ARHGAP15: variants seen among roughly 807,000 people sequenced by gnomAD.
The protein encoded by ARHGAP15 is Rho GTPase activating protein 15.
Under a neutral mutation model 63.7 loss-of-function variants are expected in ARHGAP15, and 51 were observed. The ratio of observed to expected loss-of-function variants is 0.80; its 90% CI spans 0.64 to 1.01. The LOEUF (loss-of-function observed/expected upper bound fraction) is 1.01. ARHGAP15 is among the 50% of genes least tolerant of loss of function. ARHGAP15 has a pLI of 0.00. For synonymous variants in ARHGAP15, 191 were observed against 193.8 expected (o/e 0.99, Z 0.12); for missense variants, 560 against 564.6 (o/e 0.99, Z 0.08).
intron 8 of ARHGAP15, among the ~76,000 whole-genome samples, chr2:143,480,391 TCTC>T (rs1168434845): frequency 1.3e-5 from 2 of 152,196 alleles, no homozygotes; most frequent in Non-Finnish European, 2.9e-5. Flanking sequence ...AATTTTCACT[TCTC>T]CTTAAATGGG....
At chr2:143,217,865 G>A (rs1692819084) in intron 4 of ARHGAP15, among the ~76,000 whole-genome samples, 1 of 152,184 alleles carries the variant, frequency 6.6e-6, no homozygotes, top group Non-Finnish European at 1.5e-5. Context: ...GAGAATAGAG[G>A]TGACAGCATT....
At chr2:143,348,661 C>A (rs1184907654) in intron 6 of ARHGAP15, among the ~76,000 whole-genome samples, 2 of 152,096 alleles carry the variant, frequency 1.3e-5, no homozygotes, top group Non-Finnish European at 2.9e-5. Flanking sequence ...GTGTGAGCAG[C>A]AAACTAGAGG....
intron 6 of ARHGAP15, among the ~76,000 whole-genome samples, chr2:143,296,038 G>A (rs926728168): frequency 2.2e-4 from 33 of 152,110 alleles, no homozygotes; most frequent in Non-Finnish European, 4.6e-4. Context: ...TATTCTGGCT[G>A]TCCTGTCTAA....
intron 2 of ARHGAP15, among the ~76,000 whole-genome samples, chr2:143,157,363 T>A (rs1401796667): frequency 6.6e-6 from 1 of 151,902 alleles, no homozygotes; most frequent in Non-Finnish European, 1.5e-5. Context: ...AAATTAGCAT[T>A]TTTCACTTTT....
chr2:143,163,921 C>T (rs530598854), intron 2 of ARHGAP15, among the ~76,000 whole-genome samples: 2 of 152,156 alleles, frequency 1.3e-5, no homozygotes, highest in Admixed American at 6.6e-5. Context: ...CTTTCTGCTC[C>T]TCAGAGAGTG....
At chr2:143,603,794 G>A (rs989721948) in intron 11 of ARHGAP15, among the ~76,000 whole-genome samples, 2 of 152,128 alleles carry the variant, frequency 1.3e-5, no homozygotes, top group Non-Finnish European at 2.9e-5. Context: ...GATTTATCAT[G>A]TTCTCAGTGG....
intron 6 of ARHGAP15, among the ~76,000 whole-genome samples, chr2:143,275,333 A>G (rs570656112): frequency 3.0e-4 from 46 of 152,284 alleles, no homozygotes; most frequent in African/African-American, 1.0e-3. Flanking sequence ...GGCTTGCCAC[A>G]CCATCACGGA....
At chr2:143,606,065 A>AAC (rs1698012206) in intron 11 of ARHGAP15, among the ~76,000 whole-genome samples, 1 of 44,986 alleles carries the variant, frequency 2.2e-5, no homozygotes, top group African/African-American at 5.4e-5. Flanking sequence ...AAAAAAAAAA[A>AAC]AAAAAGCCAT....
intron 6 of ARHGAP15, among the ~76,000 whole-genome samples, chr2:143,330,452 GT>G (rs1200989314): frequency 6.6e-6 from 1 of 152,002 alleles, no homozygotes; most frequent in African/African-American, 2.4e-5. Context: ...AGTAATTTGT[GT>G]TAAGTTTATA....
At chr2:143,223,391 C>T (rs1693075837) in intron 4 of ARHGAP15, among the ~76,000 whole-genome samples, 1 of 152,190 alleles carries the variant, frequency 6.6e-6, no homozygotes, top group South Asian at 2.1e-4. Context: ...CTCCCTTACT[C>T]TTGGCACTTT....
intron 6 of ARHGAP15, chr2:143,344,319 T>C (rs931983828): frequency 2.3e-4 from 35 of 152,284 alleles, no homozygotes; most frequent in Non-Finnish European, 4.4e-4. Context: ...AGATTGTCTC[T>C]AAACTGCTAT....
chr2:143,730,141 GGTTT>G (rs1685461173), intron 13 of ARHGAP15, among the ~76,000 whole-genome samples: 1 of 152,266 alleles, frequency 6.6e-6, no homozygotes, highest in South Asian at 2.1e-4. Flanking sequence ...GATATAAAAG[GGTTT>G]GTTAGTAACA....
intron 12 of ARHGAP15, among the ~76,000 whole-genome samples, chr2:143,650,618 G>T (rs1274880267): frequency 6.6e-6 from 1 of 151,896 alleles, no homozygotes; most frequent in East Asian, 1.9e-4. Context: ...AGACAGGAAA[G>T]CACCTTTGCC....
At chr2:143,702,408 CAATTTT>C (rs1002629161) in intron 12 of ARHGAP15, among the ~76,000 whole-genome samples, 9 of 152,126 alleles carry the variant, frequency 5.9e-5, no homozygotes, top group African/African-American at 2.2e-4. Flanking sequence ...TATGCTATTT[CAATTTT>C]TTTTTCTGTT....
At chr2:143,483,948 G>A (rs1167325279) in intron 8 of ARHGAP15, among the ~76,000 whole-genome samples, 1 of 152,060 alleles carries the variant, frequency 6.6e-6, no homozygotes, top group African/African-American at 2.4e-5. Flanking sequence ...GGCCAGACAG[G>A]CGGCCATGGT....
At chr2:143,585,606 A>C (rs1697080921) in intron 11 of ARHGAP15, among the ~76,000 whole-genome samples, 2 of 152,178 alleles carry the variant, frequency 1.3e-5, no homozygotes, top group Admixed American at 1.3e-4. Flanking sequence ...AACTTGAAAA[A>C]TGACTGAACT....
chr2:143,438,700 G>T (rs1689726358), intron 8 of ARHGAP15, among the ~76,000 whole-genome samples: 1 of 152,116 alleles, frequency 6.6e-6, no homozygotes, highest in Non-Finnish European at 1.5e-5. Context: ...TTTAAAGAAT[G>T]TTTTCCTTTC....
At chr2:143,194,575 C>T (rs1691813103) in intron 2 of ARHGAP15, among the ~76,000 whole-genome samples, 1 of 152,034 alleles carries the variant, frequency 6.6e-6, no homozygotes, top group South Asian at 2.1e-4. Flanking sequence ...CAGAGAAAAA[C>T]CAAGAAAATT....
At chr2:143,443,442 T>C (rs1689988120) in intron 8 of ARHGAP15, among the ~76,000 whole-genome samples, 1 of 151,954 alleles carries the variant, frequency 6.6e-6, no homozygotes, top group Non-Finnish European at 1.5e-5. Context: ...TTTTTTTTTT[T>C]TCCCCAAAAT....
Sources: gnomAD v4.1 joint callset for allele counts (sites outside exome capture counted in the v4.1 genomes callset) on GRCh38, gnomAD v4.1.1 for gene constraint, MANE v1.5 for transcripts, NCBI Gene and HGNC (gene_info 2026-07-23, HGNC 2026-07-21) for gene names.